ATM: variants seen among roughly 807,000 people sequenced by gnomAD.
The protein encoded by ATM is serine-protein kinase ATM.
In ATM, 308 loss-of-function variants were observed where a neutral mutation model predicts 387.0. That is an observed-to-expected ratio of 0.80 (90% CI 0.73 to 0.87). ATM has a LOEUF of 0.87. Ranked by LOEUF, ATM falls within the 40% of genes least tolerant of loss-of-function variation. The pLI is 0.00. For synonymous variants in ATM, 1,156 were observed against 1,187.3 expected, an observed-to-expected ratio of 0.97 and a Z score of 0.54; for missense variants, 3,312 against 3,560.9, an observed-to-expected ratio of 0.93 and a Z score of 1.78.
chr11:108,283,071 G>C (rs543631209), intron 25 of ATM, among the ~76,000 whole-genome samples, 192 bp downstream of exon 25: 2 of 152,284 alleles, frequency 1.3e-5, no homozygotes, highest in East Asian at 3.9e-4. Context: ...CTTCAGATCT[G>C]GTCCTAGCTG....
intron 5 of ATM, among the ~76,000 whole-genome samples, chr11:108,238,745 G>C (rs2079420566): frequency 6.6e-6 from 1 of 151,918 alleles, no homozygotes; most frequent in African/African-American, 2.4e-5. Flanking sequence ...TTCTTTCTGA[G>C]CCATGTGGCT....
chr11:108,350,439 C>A (rs1172206602), intron 59 of ATM, among the ~76,000 whole-genome samples: 4 of 152,160 alleles, frequency 2.6e-5, no homozygotes, highest in Admixed American at 2.0e-4. Context: ...TTAGAATGTA[C>A]AATTTACAAT....
At chr11:108,330,149 G>A (rs1000754618) in intron 49 of ATM, 65 bp from the exon 50 acceptor site, 11 of 1,525,884 alleles carry the variant, frequency 7.2e-6, no homozygotes, top group African/African-American at 2.8e-5. Context: ...TGTATATCAT[G>A]TGTGATTTTG....
At position 108,249,004 on chromosome 11, in the gene ATM, T is replaced by TA; in HGVS notation, c.1137_1138insA (p.Tyr380IlefsTer27). 1 of 1,613,558 alleles carries TA rather than the reference T, an allele frequency of 6.2e-7. No individual in the cohort carries two copies. Among genetic ancestry groups the TA allele is most frequent in the Non-Finnish European group, 8.5e-7 (1 of 1,179,508 alleles). On this transcript the variant is annotated frameshift_variant, in exon 9 of 63. Transcript: ENST00000675843. LOFTEE classifies it high-confidence loss of function. Reference sequence around the variant, plus strand: ...CTACTACACAAAGAGAATCTAGTGATTACAGTGTCCCTTGCAAAAGGAAGA... The same window carrying TA: ...CTACTACACAAAGAGAATCTAGTGATATACAGTGTCCCTTGCAAAAGGAAGA...
At chr11:108,323,252 T>C (rs2085361135) in intron 45 of ATM, among the ~76,000 whole-genome samples, 1 of 152,228 alleles carries the variant, frequency 6.6e-6, no homozygotes. Context: ...CAAAAGTCTT[T>C]TCTGCTTTCA....
intron 35 of ATM, among the ~76,000 whole-genome samples, chr11:108,302,019 T>G (rs936946036): frequency 3.9e-5 from 6 of 152,124 alleles, no homozygotes; most frequent in Non-Finnish European, 7.4e-5. Context: ...AGTTGATTTT[T>G]GGGGGAGGGG....
At chr11:108,324,527 C>T (rs938284647) in intron 45 of ATM, among the ~76,000 whole-genome samples, 4 of 151,928 alleles carry the variant, frequency 2.6e-5, no homozygotes, top group East Asian at 1.9e-4. Flanking sequence ...AAAGGAGTTC[C>T]GCAAAAAGTT....
chr11:108,342,742 C>T (rs906342449), intron 56 of ATM, among the ~76,000 whole-genome samples: 22 of 152,220 alleles, frequency 1.4e-4, no homozygotes, highest in African/African-American at 5.3e-4. Flanking sequence ...TTTAGGAGTA[C>T]ATTTTCTCTC....
chr11:108,251,083 C>T lies in ATM; in HGVS notation c.1607+11C>T, dbSNP rs955225694. The stretch of plus-strand genomic sequence containing the variant: ...CTGCAGACCTTCATGGTAAGTTCAG[C>T]ATGCATTATGTCTGACTTACAGATA... On this transcript the variant is annotated intron_variant, in intron 10 of 62. Coordinates refer to ENST00000675843, the MANE Select transcript of ATM (RefSeq NM_000051.4). The T allele has an allele frequency of 6.2e-7, 1 of 1,613,864 alleles. No homozygotes were observed. The highest frequency in any genetic ancestry group is 8.5e-7 in the Non-Finnish European group (1 of 1,179,998).
intron 40 of ATM, 22 bp downstream of exon 40, chr11:108,312,520 A>T (rs1353810569): frequency 2.0e-6 from 3 of 1,484,674 alleles, no homozygotes; most frequent in Non-Finnish European, 2.8e-6. Context: ...AGGCTCTATT[A>T]TTTATGACAG....
rs758045139 is a variant in ATM at position 108,271,251 on chromosome 11, C to T, written c.2922C>T (p.Ser974=). Residue 974 remains serine (S), a splice_region_variant and synonymous_variant, in exon 20 of 63, where the codon TCC becomes TCT. Coordinates refer to ENST00000675843, the MANE Select transcript of ATM (RefSeq NM_000051.4). ...EDVLELLKPL[S]NVCSLYRRDQ... ...AACTTTTTTTTTTTTTTTACCACAG[C>T]AATGTGTGTTCTTTGTATCGTCGTG... is the stretch of plus-strand genomic sequence containing the variant. 4 of 1,610,562 alleles carry T rather than the reference C, an allele frequency of 2.5e-6. No homozygotes were observed. Among genetic ancestry groups the T allele is most frequent in the Non-Finnish European group, 3.4e-6 (4 of 1,179,272 alleles).
intron 56 of ATM, among the ~76,000 whole-genome samples, chr11:108,340,902 A>T (rs1005711238): frequency 2.6e-5 from 4 of 152,158 alleles, no homozygotes; most frequent in African/African-American, 9.7e-5. Context: ...ATTGGTTTTT[A>T]AAATTTTTAT....
chr11:108,318,006 A>G (rs905090667), intron 43 of ATM, among the ~76,000 whole-genome samples: 6 of 152,126 alleles, frequency 3.9e-5, no homozygotes, highest in African/African-American at 1.2e-4. Context: ...GATAGCACTT[A>G]TATTGGCTGG....
At chr11:108,318,454 C>G (rs2084939777) in intron 43 of ATM, among the ~76,000 whole-genome samples, 1 of 152,100 alleles carries the variant, frequency 6.6e-6, no homozygotes, top group Admixed American at 6.5e-5. Flanking sequence ...ACTTGGAGAG[C>G]TGAGGCAGAT....
intron 16 of ATM, among the ~76,000 whole-genome samples, chr11:108,265,552 C>CCTAGG (rs1416271165): frequency 6.0e-5 from 9 of 150,534 alleles, no homozygotes; most frequent in Non-Finnish European, 1.2e-4. Flanking sequence ...CTAGGCATTA[C>CCTAGG]CATTCAGGAC....
At chr11:108,284,821 C>T (rs1454096616) in intron 26 of ATM, among the ~76,000 whole-genome samples, 1 of 152,268 alleles carries the variant, frequency 6.6e-6, no homozygotes, top group East Asian at 1.9e-4. Flanking sequence ...AACCTTCACT[C>T]CCTCTTCAAT....
At chr11:108,306,025 G>C (rs2083672703) in intron 37 of ATM, among the ~76,000 whole-genome samples, 1 of 152,086 alleles carries the variant, frequency 6.6e-6, no homozygotes, top group African/African-American at 2.4e-5. Context: ...AATCCTTCCA[G>C]TCACTTCAGC....
intron 62 of ATM, 27 bp from the exon 63 acceptor site, chr11:108,365,298 C>T (rs781724783): frequency 6.2e-7 from 1 of 1,614,182 alleles, no homozygotes; most frequent in Admixed American, 1.7e-5. Context: ...GTTCACCTCA[C>T]TGAAACCTTT....
Position 108,246,882 on chromosome 11 carries a change from G to A in ATM, c.902-82G>A, listed in dbSNP as rs923161837. ...GTGTCTTCTAACGCTGATGCAGCTT[G>A]ACAGCTGAATAATTTTGTGGGAGCT... On this transcript the variant is annotated intron_variant, in intron 7 of 62. Transcript: ENST00000675843. 6.9e-6 allele frequency: 8 copies of A among 1,162,540 alleles called. No homozygotes were observed. The African/African-American group carries it at 1.2e-4, about 18-fold the overall frequency. 72.0% of individuals were successfully genotyped at this position (1,162,540 alleles called of 1,614,324 possible).
Sources: allele counts gnomAD v4.1 joint callset (sites outside exome capture counted in the v4.1 genomes callset), GRCh38; gene constraint gnomAD v4.1.1; transcripts MANE v1.5; gene names NCBI Gene and HGNC (gene_info 2026-07-23, HGNC 2026-07-21).